Variants in RAPGEF5 observed in about 807,000 individuals in gnomAD.
RAPGEF5 encodes Rap guanine nucleotide exchange factor 5, also known as M-Ras-regulated GEF.
Under a neutral mutation model 125.2 loss-of-function variants are expected in RAPGEF5, and 65 were observed. The observed-to-expected ratio is 0.52, with a 90% CI of 0.43 to 0.64. The LOEUF is 0.64. Ranked by LOEUF, RAPGEF5 falls within the 30% of genes least tolerant of loss-of-function variation. The pLI is 0.00. For missense variants in RAPGEF5, 958 were observed against 1,048.1 expected (o/e 0.91, Z 1.19); for synonymous variants, 391 against 385.9 (o/e 1.01, Z -0.16).
In RAPGEF5 at chr7:22,324,601, G is replaced by C. The variant is rs373702274; in HGVS notation, c.232-6564C>G. On this transcript the variant is annotated intron_variant, in intron 1 of 25. Coordinates refer to ENST00000665637, the MANE Select transcript of RAPGEF5 (RefSeq NM_012294.5). ...TCTAAAATTACTTCAAAATAAAAAG[G>C]TTCTTTAAAAAAAGAATAATGACCT... 9.2e-5 allele frequency among the ~76,000 whole-genome samples: 14 copies of C among 152,190 alleles called. No individual in the cohort carries two copies. The East Asian group carries it at 1.7e-3, about 19-fold the overall frequency.
intron 7 of RAPGEF5, among the ~76,000 whole-genome samples, chr7:22,239,722 C>T (rs1005795884): frequency 1.3e-5 from 2 of 151,958 alleles, no homozygotes; most frequent in African/African-American, 4.8e-5. Flanking sequence ...ATTTAATATA[C>T]GTCCATTCAA....
chr7:22,132,618 T>A (rs914107987), intron 23 of RAPGEF5, among the ~76,000 whole-genome samples: 1 of 152,218 alleles, frequency 6.6e-6, no homozygotes, highest in Non-Finnish European at 1.5e-5. Flanking sequence ...AAATACCACC[T>A]GAAGGTCTGG....
intron 4 of RAPGEF5, 78 bp downstream of exon 4, chr7:22,309,891 C>G (rs898386677): frequency 7.0e-7 from 1 of 1,424,000 alleles, no homozygotes; most frequent in African/African-American, 1.5e-5. Context: ...ACTGTAACAT[C>G]CTCTAGAAAA....
chr7:22,148,907 C>G (rs1337841362), intron 18 of RAPGEF5, among the ~76,000 whole-genome samples: 1 of 152,174 alleles, frequency 6.6e-6, no homozygotes, highest in East Asian at 1.9e-4. Flanking sequence ...TAAAATCAAT[C>G]TCATTATTTA....
chr7:22,231,382 G>A (rs1786052362), intron 7 of RAPGEF5, among the ~76,000 whole-genome samples: 1 of 151,984 alleles, frequency 6.6e-6, no homozygotes, highest in South Asian at 2.1e-4. Context: ...CCATATTGTG[G>A]AGTCTTGAAT....
In RAPGEF5 at chr7:22,118,338, AG is replaced by A. The variant is rs1782464932; in HGVS notation, c.*4067del. The A allele has an allele frequency of 7.6e-6, 1 of 131,088 alleles. No individual in the cohort carries two copies. Among genetic ancestry groups the A allele is most frequent in the African/African-American group, 3.0e-5 (1 of 33,390 alleles). 8.1% of individuals were successfully genotyped at this position (131,088 alleles called of 1,614,324 possible). ...AACATAGTCTCATATTTGGAAAAGCAGTTTTAAAAAAAAATTGAAAATACAA... is the reference window on the plus strand; with the variant it reads ...AACATAGTCTCATATTTGGAAAAGCATTTTAAAAAAAAATTGAAAATACAA... On this transcript the variant is annotated 3_prime_UTR_variant, in exon 26 of 26. Transcript: ENST00000665637.
intron 8 of RAPGEF5, among the ~76,000 whole-genome samples, chr7:22,227,560 C>T (rs1785947984): frequency 6.6e-6 from 1 of 152,138 alleles, no homozygotes; most frequent in African/African-American, 2.4e-5. Flanking sequence ...TTACTCAAGG[C>T]CAAGTGTAGT....
At chr7:22,285,777 T>C (rs1390781848) in intron 6 of RAPGEF5, among the ~76,000 whole-genome samples, 1 of 152,142 alleles carries the variant, frequency 6.6e-6, no homozygotes, top group Non-Finnish European at 1.5e-5. Flanking sequence ...GTGGTATTTC[T>C]CAGAGGAGGG....
chr7:22,197,507 T>C (rs904512089), intron 9 of RAPGEF5, among the ~76,000 whole-genome samples: 1 of 152,220 alleles, frequency 6.6e-6, no homozygotes, highest in African/African-American at 2.4e-5. Flanking sequence ...CTTCTTTTCA[T>C]CTCACAACTT....
chr7:22,265,041 A>G (rs985563366), intron 7 of RAPGEF5, among the ~76,000 whole-genome samples: 14 of 152,190 alleles, frequency 9.2e-5, no homozygotes, highest in African/African-American at 2.4e-4. Context: ...ATATTTTAAT[A>G]CATGCAAATA....
At chr7:22,137,137 G>A (rs529607040) in intron 21 of RAPGEF5, among the ~76,000 whole-genome samples, 154 bp from the exon 22 acceptor site, 3 of 152,136 alleles carry the variant, frequency 2.0e-5, no homozygotes, top group Non-Finnish European at 4.4e-5. Flanking sequence ...TTCTCATTAT[G>A]CAATTTTCAT....
At chr7:22,224,307 G>T (rs1785860738) in intron 8 of RAPGEF5, among the ~76,000 whole-genome samples, 1 of 152,152 alleles carries the variant, frequency 6.6e-6, no homozygotes, top group Non-Finnish European at 1.5e-5. Context: ...GGGTAAAAAA[G>T]TTTCAATGGT....
intron 6 of RAPGEF5, among the ~76,000 whole-genome samples, chr7:22,288,977 T>C (rs868309784): frequency 2.3e-4 from 35 of 152,346 alleles, no homozygotes; most frequent in African/African-American, 7.7e-4. Context: ...TTACATTTTT[T>C]CATTGTACTT....
chr7:22,316,487 A>ATTTTTTT (rs879849683), intron 2 of RAPGEF5, among the ~76,000 whole-genome samples: 2 of 34,134 alleles, frequency 5.9e-5, no homozygotes, highest in Non-Finnish European at 1.1e-4. Flanking sequence ...ATATATATAT[A>ATTTTTTT]TATTTTTTTT....
rs149483691 is a variant in RAPGEF5 at position 22,247,325 on chromosome 7, C to T, written c.797-16406G>A. Among the ~76,000 whole-genome samples, 60 of 152,188 alleles carry T rather than the reference C, an allele frequency of 3.9e-4. 1 individual carries two copies. In the East Asian group the frequency reaches 0.011, roughly 27 times the overall value. On this transcript the variant is annotated intron_variant, in intron 7 of 25. Transcript: ENST00000665637. ...TCACAATAGCAAAGACATGGTGATG[C>T]GGTTTTGCTGCATCCCCACCCAAAT...
chr7:22,326,543 T>A (rs1224876629), intron 1 of RAPGEF5, among the ~76,000 whole-genome samples: 1 of 152,218 alleles, frequency 6.6e-6, no homozygotes, highest in Non-Finnish European at 1.5e-5. Flanking sequence ...AAGAGCTGTA[T>A]AATCTCCCAG....
At chr7:22,279,566 A>T (rs1782629397) in intron 6 of RAPGEF5, among the ~76,000 whole-genome samples, 1 of 152,176 alleles carries the variant, frequency 6.6e-6, no homozygotes, top group South Asian at 2.1e-4. Flanking sequence ...CAGACCTCCG[A>T]AAGATAGAGC....
intron 6 of RAPGEF5, among the ~76,000 whole-genome samples, chr7:22,272,474 G>C (rs1021562949): frequency 6.6e-6 from 1 of 151,296 alleles, no homozygotes; most frequent in Non-Finnish European, 1.5e-5. Context: ...ATTTTTAATA[G>C]AATTGCCAAT....
At chr7:22,274,600 G>A (rs1782513972) in intron 6 of RAPGEF5, among the ~76,000 whole-genome samples, 1 of 152,188 alleles carries the variant, frequency 6.6e-6, no homozygotes, top group Admixed American at 6.5e-5. Flanking sequence ...AAAGTACTGG[G>A]ATTACAGCAG....
Sources: gnomAD v4.1 joint callset for allele counts (sites outside exome capture counted in the v4.1 genomes callset) on GRCh38, gnomAD v4.1.1 for gene constraint, MANE v1.5 for transcripts, NCBI Gene and HGNC (gene_info 2026-07-23, HGNC 2026-07-21) for gene names.